Variants in NALF1 observed in about 807,000 individuals in gnomAD.
The protein encoded by NALF1 is family with sequence similarity 155 member A.
A neutral mutation model predicts 48.4 loss-of-function variants in NALF1; 3 were observed. That is an observed-to-expected ratio of 0.06 (90% CI 0.03 to 0.16). NALF1 has a LOEUF of 0.16. Ranked by LOEUF, NALF1 falls within the 10% of genes least tolerant of loss-of-function variation. NALF1 has a pLI of 1.00. For synonymous variants in NALF1, 262 were observed against 245.7 expected (o/e 1.07, Z -0.62); for missense variants, 526 against 571.5 (o/e 0.92, Z 0.81).
rs572561144 is a variant in NALF1 at position 107,667,932 on chromosome 13, T to G, written c.915+197750A>C. On this transcript the variant is annotated intron_variant, in intron 1 of 2. Transcript: ENST00000375915. ...ATGGCAAAAAGTACACGAACCACTT[T>G]CTTGTTATATATTTATCTCTACATA... Among the ~76,000 whole-genome samples, 3 of 152,270 alleles carry G rather than the reference T, an allele frequency of 2.0e-5. No homozygotes were observed. The East Asian group carries it at 5.8e-4, about 29-fold the overall frequency.
chr13:107,173,841 T>C (rs1240673025), intron 2 of NALF1, among the ~76,000 whole-genome samples: 1 of 152,244 alleles, frequency 6.6e-6, no homozygotes, highest in Non-Finnish European at 1.5e-5. Flanking sequence ...ATTCAAGCAC[T>C]GGTCCTATGT....
intron 1 of NALF1, among the ~76,000 whole-genome samples, chr13:107,841,657 G>C (rs1175003238): frequency 6.7e-6 from 1 of 150,056 alleles, no homozygotes; most frequent in African/African-American, 2.4e-5. Flanking sequence ...AAAAACATAA[G>C]AAGTTTTCAA....
At chr13:107,254,716 C>T (rs372297527) in intron 1 of NALF1, among the ~76,000 whole-genome samples, 47 of 152,202 alleles carry the variant, frequency 3.1e-4, no homozygotes, top group African/African-American at 1.1e-3. Context: ...GTCATCATGA[C>T]AAAACCTCTT....
chr13:107,205,996 C>A (rs187055765), intron 2 of NALF1, among the ~76,000 whole-genome samples: 2 of 152,130 alleles, frequency 1.3e-5, no homozygotes, highest in East Asian at 3.9e-4. Context: ...ACGACTTCCA[C>A]CCCCTCACTT....
At chr13:107,441,021 A>T (rs1884549710) in intron 1 of NALF1, among the ~76,000 whole-genome samples, 1 of 152,118 alleles carries the variant, frequency 6.6e-6, no homozygotes, top group Admixed American at 6.6e-5. Context: ...CCTCCAAACC[A>T]ATGTTTTCAA....
chr13:107,576,381 G>A (rs930753645), intron 1 of NALF1, among the ~76,000 whole-genome samples: 1 of 152,220 alleles, frequency 6.6e-6, no homozygotes, highest in Non-Finnish European at 1.5e-5. Flanking sequence ...TTGCTCATTT[G>A]TTTTCTATTC....
chr13:107,174,029 T>C (rs1324813971), intron 2 of NALF1, among the ~76,000 whole-genome samples: 1 of 152,226 alleles, frequency 6.6e-6, no homozygotes, highest in Admixed American at 6.5e-5. Flanking sequence ...CTTTGTGTTA[T>C]CCGAATGTTG....
At chr13:107,452,278 T>C (rs1297859270) in intron 1 of NALF1, among the ~76,000 whole-genome samples, 4 of 152,184 alleles carry the variant, frequency 2.6e-5, no homozygotes, top group Admixed American at 6.5e-5. Flanking sequence ...CATACTGCTA[T>C]AAAGAACTGC....
chr13:107,732,899 G>A (rs2391566), intron 1 of NALF1, among the ~76,000 whole-genome samples: 128,214 of 152,200 alleles, frequency 0.84, 54,400 homozygotes, highest in Non-Finnish European at 0.9. Flanking sequence ...CTTTCTACCC[G>A]TCTGGTAAAA....
chr13:107,213,230 CAA>C (rs386380636), intron 1 of NALF1, among the ~76,000 whole-genome samples: 2,912 of 103,352 alleles, frequency 0.028, 41 homozygotes, highest in African/African-American at 0.057. Context: ...TTTTTTAACT[CAA>C]AAAAAAAAAA....
At chr13:107,595,227 T>G (rs561682191) in intron 1 of NALF1, among the ~76,000 whole-genome samples, 3 of 152,274 alleles carry the variant, frequency 2.0e-5, no homozygotes, top group African/African-American at 7.2e-5. Flanking sequence ...TCCATAATCA[T>G]GGAAAAGTTT....
intron 1 of NALF1, among the ~76,000 whole-genome samples, chr13:107,223,409 C>G (rs1208847246): frequency 6.6e-6 from 1 of 152,060 alleles, no homozygotes; most frequent in African/African-American, 2.4e-5. Flanking sequence ...ATTTTTCTTC[C>G]TAACTTTTGC....
At chr13:107,738,838 A>G (rs1299181798) in intron 1 of NALF1, among the ~76,000 whole-genome samples, 1 of 151,732 alleles carries the variant, frequency 6.6e-6, no homozygotes, top group African/African-American at 2.4e-5. Context: ...TCATTTTTGT[A>G]TTTTTAGTAG....
chr13:107,613,663 T>C (rs1004120036), intron 1 of NALF1, among the ~76,000 whole-genome samples: 1 of 152,236 alleles, frequency 6.6e-6, no homozygotes, highest in Non-Finnish European at 1.5e-5. Context: ...TGTGTGCCTG[T>C]AATTATTTGC....
At chr13:107,594,792 T>C (rs900703195) in intron 1 of NALF1, among the ~76,000 whole-genome samples, 7 of 152,074 alleles carry the variant, frequency 4.6e-5, no homozygotes, top group Non-Finnish European at 8.8e-5. Context: ...TAGAAGGATA[T>C]GTTGAAATGG....
chr13:107,321,292 G>A (rs1418549064), intron 1 of NALF1, among the ~76,000 whole-genome samples: 1 of 152,046 alleles, frequency 6.6e-6, no homozygotes, highest in Non-Finnish European at 1.5e-5. Flanking sequence ...TAAAGGAACA[G>A]AACAGAAGCA....
chr13:107,696,164 T>C (rs2138508080), intron 1 of NALF1, among the ~76,000 whole-genome samples: 1 of 152,366 alleles, frequency 6.6e-6, no homozygotes, highest in East Asian at 1.9e-4. Context: ...CCCAAAGTGC[T>C]AGGATTATAG....
chr13:107,301,407 G>A (rs185275582), intron 1 of NALF1, among the ~76,000 whole-genome samples: 27 of 152,264 alleles, frequency 1.8e-4, no homozygotes, highest in African/African-American at 6.3e-4. Context: ...TGAAATTATT[G>A]AAATATAATC....
intron 2 of NALF1, among the ~76,000 whole-genome samples, chr13:107,175,106 T>A (rs2769909): frequency 1.5e-5 from 2 of 131,598 alleles, no homozygotes; most frequent in Non-Finnish European, 3.2e-5. Flanking sequence ...AGCCAGGATG[T>A]TCTCGATCTC....
Sources: allele counts gnomAD v4.1 joint callset (sites outside exome capture counted in the v4.1 genomes callset), GRCh38; gene constraint gnomAD v4.1.1; transcripts MANE v1.5; gene names NCBI Gene and HGNC (gene_info 2026-07-23, HGNC 2026-07-21).